The following ARMC9 variants were observed in gnomAD, a reference collection of about 807,000 sequenced individuals.
ARMC9 encodes the protein armadillo repeat containing 9.
A neutral mutation model predicts 107.0 loss-of-function variants in ARMC9; 94 were observed. That is an observed-to-expected ratio of 0.88 (90% confidence interval 0.74 to 1.04). ARMC9 has a LOEUF of 1.04. ARMC9 is among the 50% of genes least tolerant of loss of function. The pLI is 0.00. For synonymous variants in ARMC9, 380 were observed against 396.9 expected (o/e 0.96, Z 0.51); for missense variants, 942 against 1,030.1 (o/e 0.91, Z 1.17).
intron 9 of ARMC9, among the ~76,000 whole-genome samples, chr2:231,252,095 C>A (rs2037350271): frequency 6.6e-6 from 1 of 152,016 alleles, no homozygotes; most frequent in Non-Finnish European, 1.5e-5. Context: ...CTTCACAGGG[C>A]AAATAGAATG....
chr2:231,367,145 C>T (rs112063224), intron 23 of ARMC9, among the ~76,000 whole-genome samples: 3 of 152,148 alleles, frequency 2.0e-5, no homozygotes, highest in East Asian at 3.9e-4. Context: ...CCACCATGCC[C>T]GGCCAACAAA....
At chr2:231,333,045 C>T (rs182468847) in intron 20 of ARMC9, among the ~76,000 whole-genome samples, 31 of 152,294 alleles carry the variant, frequency 2.0e-4, no homozygotes, top group Admixed American at 7.8e-4. Flanking sequence ...AAAGTGCCTG[C>T]CAGGTCCCGT....
chr2:231,281,616 G>A (rs930948898), intron 16 of ARMC9, among the ~76,000 whole-genome samples: 2 of 152,180 alleles, frequency 1.3e-5, no homozygotes, highest in African/African-American at 4.8e-5. Context: ...TTGGAGATTT[G>A]ATGTAGCCTG....
At chr2:231,328,725 C>G (rs2043500127) in intron 19 of ARMC9, among the ~76,000 whole-genome samples, 1 of 151,554 alleles carries the variant, frequency 6.6e-6, no homozygotes, top group Non-Finnish European at 1.5e-5. Context: ...ATCTGGACTA[C>G]TAAGCTTGAA....
chr2:231,228,416 C>T (rs920620906), intron 7 of ARMC9, among the ~76,000 whole-genome samples: 3 of 152,160 alleles, frequency 2.0e-5, no homozygotes, highest in Non-Finnish European at 4.4e-5. Context: ...GAGTGGTGGT[C>T]GGTGCTGGCT....
intron 20 of ARMC9, among the ~76,000 whole-genome samples, chr2:231,338,476 C>T (rs2044276524): frequency 6.6e-6 from 1 of 151,588 alleles, no homozygotes; most frequent in South Asian, 2.1e-4. Flanking sequence ...ATCCACCTGC[C>T]TCAGCCTCTC....
intron 1 of ARMC9, chr2:231,199,025 C>G (rs1371111881): frequency 6.6e-6 from 1 of 152,164 alleles, no homozygotes; most frequent in African/African-American, 2.4e-5. Context: ...GCGGCGCGAG[C>G]GGGTTATCCG....
chr2:231,240,710 C>G (rs1046258611), intron 9 of ARMC9, among the ~76,000 whole-genome samples: 11 of 152,184 alleles, frequency 7.2e-5, no homozygotes, highest in Non-Finnish European at 1.5e-4. Context: ...TATCTACCGT[C>G]CATTTTCCAA....
chr2:231,315,041 C>G (rs2042583505), intron 19 of ARMC9, among the ~76,000 whole-genome samples: 1 of 151,964 alleles, frequency 6.6e-6, no homozygotes, highest in South Asian at 2.1e-4. Flanking sequence ...GAGTTCAAGA[C>G]CAGCCTGACC....
At chr2:231,271,209 T>G in intron 13 of ARMC9, 137 bp downstream of exon 13, 2 of 807,992 alleles carry the variant, frequency 2.5e-6, no homozygotes, top group Non-Finnish European at 3.8e-6. Context: ...ATCTAAGGTC[T>G]TTTGTGAAAA....
chr2:231,255,399 GA>G lies in ARMC9; in HGVS notation c.880-1180del, dbSNP rs1043548228. 2.0e-5 allele frequency among the ~76,000 whole-genome samples: 3 copies of G among 152,026 alleles called. No homozygotes were observed. Among genetic ancestry groups the G allele is most frequent in the South Asian group, 2.1e-4 (1 of 4,818 alleles). On this transcript the variant is annotated intron_variant, in intron 9 of 24. Transcript: ENST00000611582. This position sits in a 1 kb window ranked among gnomAD's most constrained non-coding sequence, Gnocchi z 4.7. The stretch of plus-strand genomic sequence containing the variant: ...TACTTGAAGAGAAAATCTTAATAAA[GA>G]AAAAAACCAGAATAATATAATGATT...
At chr2:231,346,080 T>C (rs1248058791) in intron 21 of ARMC9, among the ~76,000 whole-genome samples, 1 of 152,188 alleles carries the variant, frequency 6.6e-6, no homozygotes, top group Non-Finnish European at 1.5e-5. Context: ...TGCTCTGAGA[T>C]CTGTTTGGTT....
chr2:231,286,874 T>A (rs1375925395), intron 17 of ARMC9, among the ~76,000 whole-genome samples: 2 of 152,116 alleles, frequency 1.3e-5, no homozygotes, highest in African/African-American at 4.8e-5. Context: ...ACAAAATAAA[T>A]GAATCCCCTG....
At chr2:231,296,077 A>T (rs1386487489) in intron 18 of ARMC9, 121 bp from the exon 19 acceptor site, 3 of 617,570 alleles carry the variant, frequency 4.9e-6, no homozygotes, top group Non-Finnish European at 8.2e-6. Context: ...TAGGAGCATG[A>T]TGACTTTGAT....
At position 231,371,179 on chromosome 2, in the gene ARMC9, C is replaced by T. The variant is rs144482985; in HGVS notation, c.2435-334C>T. 583 of 564,018 alleles carry T rather than the reference C, an allele frequency of 1.0e-3. 1 individual carries two copies. Among genetic ancestry groups the T allele is most frequent in the Middle Eastern group, 2.2e-3 (7 of 3,182 alleles). 34.9% of individuals were successfully genotyped at this position (564,018 alleles called of 1,614,324 possible). Reference sequence around the variant, plus strand: ...TCCCCAGTCATAGCAACAGTGACACCAGCAGCTGGTGGCTGGCCTGGCCCC... The same window carrying T: ...TCCCCAGTCATAGCAACAGTGACACTAGCAGCTGGTGGCTGGCCTGGCCCC... On this transcript the variant is annotated intron_variant, in intron 24 of 24. Transcript: ENST00000611582.
At chr2:231,371,117 A>C (rs932789986) in intron 24 of ARMC9, 1 of 481,714 alleles carries the variant, frequency 2.1e-6, no homozygotes, top group Non-Finnish European at 4.1e-6. Flanking sequence ...AATCCAGGGG[A>C]GGCTCGGCCA....
At chr2:231,227,270 A>G (rs529438498) in intron 7 of ARMC9, among the ~76,000 whole-genome samples, 2 of 152,252 alleles carry the variant, frequency 1.3e-5, no homozygotes, top group East Asian at 3.9e-4. Context: ...TGTAGCATGA[A>G]GTGTTATTTT....
Position 231,311,598 on chromosome 2 carries a change from C to T in ARMC9, c.1773+15345C>T, listed in dbSNP as rs182697899. On this transcript the variant is annotated intron_variant, in intron 19 of 24. Transcript: ENST00000611582. ...CAGCCTGGCCAACATGGTGAAACAC[C>T]GTCTCTACTAAAAGTACAAAAATTA... Among the ~76,000 whole-genome samples the T allele has an allele frequency of 2.8e-3, 426 of 151,838 alleles. 2 individuals are homozygous for T. The highest frequency in any genetic ancestry group is 9.7e-3 in the African/African-American group (402 of 41,374).
intron 15 of ARMC9, 116 bp from the exon 16 acceptor site, chr2:231,278,266 C>T (rs1212148615): frequency 6.2e-6 from 6 of 963,128 alleles, no homozygotes; most frequent in South Asian, 1.4e-5. Flanking sequence ...ACAGCTCACC[C>T]GAGGTCATAC....
Sources: allele counts gnomAD v4.1 joint callset (sites outside exome capture counted in the v4.1 genomes callset), GRCh38; gene constraint gnomAD v4.1.1; non-coding constraint Gnocchi (gnomAD v3.1); transcripts MANE v1.5; gene names NCBI Gene and HGNC (gene_info 2026-07-23, HGNC 2026-07-21).